CAMTA1: variants seen among roughly 807,000 people sequenced by gnomAD.
CAMTA1 encodes calmodulin-binding transcription activator 1.
Under a neutral mutation model 170.9 loss-of-function variants are expected in CAMTA1, and 27 were observed. That is an observed-to-expected ratio of 0.16 (90% CI 0.12 to 0.22). CAMTA1 has a LOEUF of 0.22. Ranked by LOEUF, CAMTA1 falls within the 10% of genes least tolerant of loss-of-function variation. The probability of loss-of-function intolerance (pLI) is 1.00; values close to 1 mark genes in which losing one functional copy is unlikely to be tolerated. For synonymous variants in CAMTA1, 833 were observed against 891.5 expected (o/e 0.93, Z 1.17); for missense variants, 1,619 against 2,217.2 (o/e 0.73, Z 5.42).
At chr1:7,190,461 A>G (rs1350760825) in intron 4 of CAMTA1, among the ~76,000 whole-genome samples, 1 of 152,188 alleles carries the variant, frequency 6.6e-6, no homozygotes, top group Non-Finnish European at 1.5e-5. Flanking sequence ...AATAATCATG[A>G]TGTAACATAA....
intron 3 of CAMTA1, among the ~76,000 whole-genome samples, chr1:6,941,838 T>C (rs922968244): frequency 3.3e-5 from 5 of 152,208 alleles, no homozygotes; most frequent in African/African-American, 4.8e-5. Context: ...TAGAAGCCCA[T>C]GTGTCCACTA....
At position 7,299,571 on chromosome 1, in the gene CAMTA1, C is replaced by T. The variant is rs55783148; in HGVS notation, c.438+49945C>T. ...GAGCCAGCGGCTCCCCGGAGTCAGA[C>T]GCTGGCCCTTGTGTCTCAGGCTCCT... On this transcript the variant is annotated intron_variant, in intron 5 of 22. Transcript: ENST00000303635. The surrounding 1 kb of genome is among the most constrained non-coding windows in gnomAD (Gnocchi z 4.7). Among the ~76,000 whole-genome samples, 343 of 152,334 alleles carry T rather than the reference C, an allele frequency of 2.3e-3. 4 individuals are homozygous for T. The highest frequency in any genetic ancestry group is 7.9e-3 in the African/African-American group (328 of 41,572).
chr1:7,563,323 G>T (rs1044509557), intron 6 of CAMTA1, among the ~76,000 whole-genome samples: 5 of 152,204 alleles, frequency 3.3e-5, no homozygotes, highest in Admixed American at 6.5e-5. Flanking sequence ...AGGCAGGGAT[G>T]GGGGTGGGTC....
intron 5 of CAMTA1, among the ~76,000 whole-genome samples, chr1:7,285,285 A>G (rs552970208): frequency 1.3e-5 from 2 of 152,264 alleles, no homozygotes; most frequent in East Asian, 1.9e-4. Context: ...TTGTCAGGTA[A>G]TTACACCCCA....
intron 11 of CAMTA1, among the ~76,000 whole-genome samples, chr1:7,705,253 G>A (rs1281171600): frequency 1.3e-5 from 2 of 151,088 alleles, no homozygotes; most frequent in Non-Finnish European, 3.0e-5. Flanking sequence ...GGAGGGGTGC[G>A]TTTGGCCGAG....
At chr1:7,404,568 T>C (rs979965956) in intron 5 of CAMTA1, among the ~76,000 whole-genome samples, 1 of 152,198 alleles carries the variant, frequency 6.6e-6, no homozygotes, top group African/African-American at 2.4e-5. Flanking sequence ...TGTTGTATCG[T>C]TGCTGGAGAA....
chr1:7,595,465 C>T (rs1308336707), intron 6 of CAMTA1, among the ~76,000 whole-genome samples: 3 of 152,224 alleles, frequency 2.0e-5, no homozygotes, highest in African/African-American at 4.8e-5. Flanking sequence ...TTTGGTTCTT[C>T]TTTAAACGAA....
chr1:7,105,141 ATAG>A (rs1243491117), intron 4 of CAMTA1, among the ~76,000 whole-genome samples: 1 of 152,242 alleles, frequency 6.6e-6, no homozygotes, highest in Non-Finnish European at 1.5e-5. Context: ...TAAATAATTA[ATAG>A]TAAAGTTAAT....
chr1:7,502,376 G>A (rs1725261), intron 6 of CAMTA1, among the ~76,000 whole-genome samples: 1 of 152,170 alleles, frequency 6.6e-6, no homozygotes, highest in African/African-American at 2.4e-5. Flanking sequence ...TAGGCAGGAT[G>A]TAGTACACGA....
In CAMTA1 at chr1:7,680,853, C is replaced by G. The variant is rs1056284088; in HGVS notation, c.2914+3120C>G. ...GGGGCGCAGAGAACACGCGCGCGCG[C>G]GCGCGCGCCAGCAGCAGCAGCAGCA... On this transcript the variant is annotated intron_variant, in intron 11 of 22. Transcript: ENST00000303635. This position sits in a 1 kb window ranked among gnomAD's most constrained non-coding sequence, Gnocchi z 4.4. Among the ~76,000 whole-genome samples, 26 of 115,450 alleles carry G rather than the reference C, an allele frequency of 2.3e-4. No homozygotes were observed. Among genetic ancestry groups the G allele is most frequent in the African/African-American group, 8.3e-4 (26 of 31,246 alleles). The allele number at this position is 115,450 out of a possible 152,430, so 75.7% of individuals were successfully genotyped here.
At chr1:7,601,039 T>A (rs552254865) in intron 6 of CAMTA1, among the ~76,000 whole-genome samples, 1 of 152,194 alleles carries the variant, frequency 6.6e-6, no homozygotes, top group South Asian at 2.1e-4. Flanking sequence ...GAGGGGCTCC[T>A]CACTTCCCGG....
chr1:6,978,681 A>G lies in CAMTA1; in HGVS notation c.235-112623A>G, dbSNP rs907135087. Among the ~76,000 whole-genome samples the G allele has an allele frequency of 1.6e-4, 24 of 149,600 alleles. 1 individual carries two copies. ...AATATTATATTTTTATATTTTATATATTATAGATATATATATATCTACAAT... is the reference window on the plus strand; with the variant it reads ...AATATTATATTTTTATATTTTATATGTTATAGATATATATATATCTACAAT... On this transcript the variant is annotated intron_variant, in intron 3 of 22. Coordinates refer to ENST00000303635, the MANE Select transcript of CAMTA1 (RefSeq NM_015215.4).
chr1:6,905,344 C>T (rs566478319), intron 3 of CAMTA1, among the ~76,000 whole-genome samples: 34 of 152,194 alleles, frequency 2.2e-4, no homozygotes, highest in Non-Finnish European at 4.1e-4. Context: ...TAGGTGTGCG[C>T]AACCACACCT....
At chr1:7,403,806 A>G (rs2090092628) in intron 5 of CAMTA1, among the ~76,000 whole-genome samples, 1 of 152,140 alleles carries the variant, frequency 6.6e-6, no homozygotes, top group African/African-American at 2.4e-5. Context: ...AGGCTTCCAG[A>G]GGTCCTCAGT....
At chr1:7,601,378 C>T (rs775136844) in intron 6 of CAMTA1, among the ~76,000 whole-genome samples, 39 of 150,690 alleles carry the variant, frequency 2.6e-4, no homozygotes, top group Middle Eastern at 3.5e-3. Flanking sequence ...ACATCTCAGA[C>T]GATGGGCGGC....
At chr1:7,119,494 C>G (rs1277391506) in intron 4 of CAMTA1, among the ~76,000 whole-genome samples, 1 of 152,128 alleles carries the variant, frequency 6.6e-6, no homozygotes. Flanking sequence ...CCTGCCAAAT[C>G]GGAGTTCTGG....
chr1:7,662,804 G>A (rs973836542), intron 8 of CAMTA1, among the ~76,000 whole-genome samples: 3 of 152,274 alleles, frequency 2.0e-5, no homozygotes, highest in Admixed American at 1.3e-4. Context: ...CCTGGGGCCT[G>A]AGAGCTGGTC....
At chr1:6,917,998 G>T (rs1424645272) in intron 3 of CAMTA1, among the ~76,000 whole-genome samples, 2 of 152,150 alleles carry the variant, frequency 1.3e-5, no homozygotes, top group Non-Finnish European at 2.9e-5. Context: ...CATGCTGTCT[G>T]GGACCTAGGC....
intron 4 of CAMTA1, among the ~76,000 whole-genome samples, chr1:7,198,874 C>T (rs1299754744): frequency 2.6e-5 from 4 of 152,144 alleles, no homozygotes; most frequent in South Asian, 2.1e-4. Flanking sequence ...GGGAGCCCCG[C>T]GGGCAACGCT....
Sources: gnomAD v4.1 joint callset for allele counts (sites outside exome capture counted in the v4.1 genomes callset) on GRCh38, gnomAD v4.1.1 for gene constraint, Gnocchi (gnomAD v3.1) non-coding constraint, MANE v1.5 for transcripts, NCBI Gene and HGNC (gene_info 2026-07-23, HGNC 2026-07-21) for gene names.